The following USH2A variants were observed in gnomAD, a reference collection of about 807,000 sequenced individuals.
USH2A encodes the protein Usher syndrome 2A (autosomal recessive, mild).
A neutral mutation model predicts 538.9 loss-of-function variants in USH2A; 443 were observed. That is an observed-to-expected ratio of 0.82 (90% CI 0.76 to 0.89). USH2A has a LOEUF of 0.89. Among genes scored for constraint, USH2A ranks in the 40% least tolerant of loss-of-function variants. The pLI, the probability that USH2A is intolerant of heterozygous loss-of-function variation, is 0.00. For synonymous variants in USH2A, 2,413 were observed against 2,273.5 expected, an observed-to-expected ratio of 1.06 and a Z score of -1.75; for missense variants, 6,633 against 6,324.8, an observed-to-expected ratio of 1.05 and a Z score of -1.65.
At chr1:215,828,465 A>T (rs567452016) in intron 47 of USH2A, among the ~76,000 whole-genome samples, 1 of 152,280 alleles carries the variant, frequency 6.6e-6, no homozygotes, top group South Asian at 2.1e-4. Flanking sequence ...AAAAGAAAAA[A>T]ATATATAGAT....
At chr1:216,398,832 C>G (rs2039261106) in intron 3 of USH2A, among the ~76,000 whole-genome samples, 1 of 152,186 alleles carries the variant, frequency 6.6e-6, no homozygotes, top group South Asian at 2.1e-4. Flanking sequence ...TTGAAACAGG[C>G]AGCTGTCTAA....
At chr1:216,146,639 GT>G (rs1403002686) in intron 21 of USH2A, among the ~76,000 whole-genome samples, 1 of 151,694 alleles carries the variant, frequency 6.6e-6, no homozygotes, top group East Asian at 1.9e-4. Context: ...TCTTATCTCT[GT>G]GCCCCAATCC....
At chr1:216,231,690 G>A (rs889464581) in intron 14 of USH2A, among the ~76,000 whole-genome samples, 4 of 151,918 alleles carry the variant, frequency 2.6e-5, no homozygotes, top group Admixed American at 2.6e-4. Context: ...TGGGACTACA[G>A]GTGCATGCCA....
intron 21 of USH2A, among the ~76,000 whole-genome samples, chr1:216,099,226 T>G (rs1326085037): frequency 6.6e-6 from 1 of 152,190 alleles, no homozygotes; most frequent in Non-Finnish European, 1.5e-5. Context: ...TTCTCATTGT[T>G]ACACACTCTC....
chr1:215,736,612 G>C (rs1386136461), intron 60 of USH2A, among the ~76,000 whole-genome samples: 1 of 151,950 alleles, frequency 6.6e-6, no homozygotes, highest in Non-Finnish European at 1.5e-5. Context: ...ATATGATCAT[G>C]AAAGGGAGAT....
intron 67 of USH2A, 55 bp from the exon 68 acceptor site, chr1:215,640,789 G>A: frequency 6.4e-7 from 1 of 1,551,536 alleles, no homozygotes; most frequent in Non-Finnish European, 8.8e-7. Flanking sequence ...AAGGAGTGCA[G>A]GTGTGCACTT....
At chr1:216,352,010 GA>G (rs1286922286) in intron 4 of USH2A, among the ~76,000 whole-genome samples, 1 of 152,030 alleles carries the variant, frequency 6.6e-6, no homozygotes, top group African/African-American at 2.4e-5. Flanking sequence ...GTTCCATTTT[GA>G]AAAAAAGTAA....
chr1:215,797,924 T>C (rs1040620375), intron 50 of USH2A, among the ~76,000 whole-genome samples: 2 of 152,136 alleles, frequency 1.3e-5, no homozygotes, highest in African/African-American at 4.8e-5. Flanking sequence ...CTGGACAAAG[T>C]AAATTGAAAA....
At chr1:216,136,734 C>A (rs1175112159) in intron 21 of USH2A, among the ~76,000 whole-genome samples, 1 of 151,990 alleles carries the variant, frequency 6.6e-6, no homozygotes, top group Non-Finnish European at 1.5e-5. Context: ...AAAAGAAACA[C>A]CATATGAAGA....
intron 40 of USH2A, among the ~76,000 whole-genome samples, chr1:215,894,924 A>G (rs1333622151): frequency 6.6e-6 from 1 of 152,048 alleles, no homozygotes; most frequent in African/African-American, 2.4e-5. Context: ...ATTAAAGTGC[A>G]CTCCAAATAT....
At chr1:215,797,507 G>C (rs79769545) in intron 50 of USH2A, among the ~76,000 whole-genome samples, 2,761 of 152,184 alleles carry the variant, frequency 0.018, 88 homozygotes, top group African/African-American at 0.063. Flanking sequence ...TCTCCTGCTG[G>C]GGGGCTAAAG....
intron 11 of USH2A, among the ~76,000 whole-genome samples, chr1:216,264,624 A>T (rs1238842972): frequency 6.6e-6 from 1 of 152,116 alleles, no homozygotes; most frequent in East Asian, 1.9e-4. Flanking sequence ...AGACAAAGTC[A>T]CCTGTTCAAA....
At chr1:215,937,469 C>T (rs543142153) in intron 37 of USH2A, among the ~76,000 whole-genome samples, 48 of 152,148 alleles carry the variant, frequency 3.2e-4, no homozygotes, top group Non-Finnish European at 4.6e-4. Context: ...TAGGCACTGA[C>T]GAGAACATGC....
chr1:215,650,157 C>T (rs1169141824), intron 65 of USH2A, among the ~76,000 whole-genome samples: 1 of 152,166 alleles, frequency 6.6e-6, no homozygotes, highest in Non-Finnish European at 1.5e-5. Context: ...GAGATTTGTG[C>T]ATGTCAAAAT....
At chr1:216,310,241 G>A (rs950070765) in intron 9 of USH2A, among the ~76,000 whole-genome samples, 20 of 151,614 alleles carry the variant, frequency 1.3e-4, no homozygotes, top group Non-Finnish European at 2.5e-4. Context: ...TACCTTTTGT[G>A]GTTTTAGTTG....
At chr1:215,790,544 C>G (rs1661952043) in intron 50 of USH2A, among the ~76,000 whole-genome samples, 1 of 152,118 alleles carries the variant, frequency 6.6e-6, no homozygotes, top group African/African-American at 2.4e-5. Context: ...CTCTCATGCT[C>G]CATAAAAAGA....
intron 11 of USH2A, among the ~76,000 whole-genome samples, chr1:216,284,445 C>T (rs576065800): frequency 1.3e-5 from 2 of 152,282 alleles, no homozygotes; most frequent in African/African-American, 4.8e-5. Flanking sequence ...GTTTCCCCTT[C>T]TGCCATGATT....
At chr1:216,201,370 A>G (rs1260334110) in intron 16 of USH2A, among the ~76,000 whole-genome samples, 1 of 147,986 alleles carries the variant, frequency 6.8e-6, no homozygotes, top group East Asian at 2.0e-4. Flanking sequence ...GTGCAGTGGC[A>G]CAATCTCGGC....
At chr1:215,932,045 CCAACT>C (rs1666377331) in intron 38 of USH2A, among the ~76,000 whole-genome samples, 1 of 151,800 alleles carries the variant, frequency 6.6e-6, no homozygotes, top group African/African-American at 2.4e-5. Context: ...TTTATTTTGC[CCAACT>C]CTTTTCTTAT....
Sources: gnomAD v4.1 joint callset for allele counts (sites outside exome capture counted in the v4.1 genomes callset) on GRCh38, gnomAD v4.1.1 for gene constraint, MANE v1.5 for transcripts, NCBI Gene and HGNC (gene_info 2026-07-23, HGNC 2026-07-21) for gene names.